SLC20A2: variants seen among roughly 807,000 people sequenced by gnomAD.
SLC20A2 encodes sodium-dependent phosphate transporter 2.
SLC20A2 carries 30 observed loss-of-function variants against 61.0 expected under a neutral mutation model. That is an observed-to-expected ratio of 0.49 (90% CI 0.37 to 0.67). The LOEUF is 0.67. SLC20A2 is among the 30% of genes least tolerant of loss of function. The probability of loss-of-function intolerance (pLI) is 0.00; values close to 1 mark genes in which losing one functional copy is unlikely to be tolerated. For missense variants in SLC20A2, 626 were observed against 866.4 expected (o/e 0.72, Z 3.48); for synonymous variants, 351 against 353.3 (o/e 0.99, Z 0.07).
chr8:42,463,819 T>C, intron 3 of SLC20A2, among the ~76,000 whole-genome samples: 1 of 152,092 alleles, frequency 6.6e-6, no homozygotes, highest in East Asian at 1.9e-4. Flanking sequence ...AGGGATCCCA[T>C]TTGACCCAGG....
intron 1 of SLC20A2, among the ~76,000 whole-genome samples, chr8:42,530,496 T>C (rs1812251377): frequency 6.6e-6 from 1 of 152,298 alleles, no homozygotes; most frequent in South Asian, 2.1e-4. Context: ...AAGTAGTCAT[T>C]GCGAAGACCT....
In SLC20A2 at chr8:42,428,823, C is replaced by T; in HGVS notation, c.1729G>A (p.Ala577Thr). The change falls in exon 10 of 11, where the codon GCC (alanine) becomes ACC (threonine). Residue 577 changes from alanine to threonine, a missense_variant. Physicochemically the swap from Ala to Thr is moderately conservative, Grantham distance 58. Around this residue, in one of 3 missense-constraint regions of SLC20A2, gnomAD observed 138 missense variants for 228.7 expected, o/e 0.60. Transcript: ENST00000520262. ...GCGATCACCACTGTGAAGGCTGAGG[C>T]CAGCTCGATCGTGAAGCCGCTGTGG... ...TPSSGFTIEL[A>T]SAFTVVIASN... 1 of 1,603,260 alleles carries T rather than the reference C, an allele frequency of 6.2e-7. No individual in the cohort carries two copies. Among genetic ancestry groups the T allele is most frequent in the Non-Finnish European group, 8.5e-7 (1 of 1,175,108 alleles).
intron 1 of SLC20A2, among the ~76,000 whole-genome samples, chr8:42,475,985 T>C (rs1170025109): frequency 6.6e-6 from 1 of 152,018 alleles, no homozygotes; most frequent in African/African-American, 2.4e-5. Flanking sequence ...TGGGTTTTTC[T>C]TCTCTTTTGC....
At chr8:42,466,049 C>A (rs371494262) in intron 2 of SLC20A2, 132 bp from the exon 3 acceptor site, 2 of 822,792 alleles carry the variant, frequency 2.4e-6, no homozygotes, top group Non-Finnish European at 3.6e-6. Context: ...CTTTACAAAG[C>A]GCTACAGCCT....
At chr8:42,519,183 C>T (rs758462492) in intron 1 of SLC20A2, among the ~76,000 whole-genome samples, 4 of 152,120 alleles carry the variant, frequency 2.6e-5, no homozygotes, top group African/African-American at 7.2e-5. Flanking sequence ...CGGTGGCTCA[C>T]GCCTGTAATC....
chr8:42,488,894 A>AG (rs1229195111), intron 1 of SLC20A2, among the ~76,000 whole-genome samples: 1 of 149,990 alleles, frequency 6.7e-6, no homozygotes, highest in Non-Finnish European at 1.5e-5. Flanking sequence ...CATTTAAAAA[A>AG]TCAGGTCGTT....
chr8:42,449,701 G>C (rs565141446), intron 5 of SLC20A2, among the ~76,000 whole-genome samples: 1 of 152,212 alleles, frequency 6.6e-6, no homozygotes, highest in Admixed American at 6.5e-5. Context: ...AAAAATATCA[G>C]CAGTACCTAC....
chr8:42,484,225 A>G (rs1808769129), intron 1 of SLC20A2, among the ~76,000 whole-genome samples: 1 of 152,226 alleles, frequency 6.6e-6, no homozygotes, highest in South Asian at 2.1e-4. Context: ...AATTCTCTGA[A>G]GTGCTTCATC....
chr8:42,459,255 A>AC (rs1176541402), intron 5 of SLC20A2, among the ~76,000 whole-genome samples: 3 of 151,460 alleles, frequency 2.0e-5, no homozygotes, highest in African/African-American at 7.3e-5. Flanking sequence ...AAAAAAAAAA[A>AC]AAAACATAAA....
intron 5 of SLC20A2, among the ~76,000 whole-genome samples, chr8:42,447,121 C>T (rs1485718402): frequency 6.6e-6 from 1 of 151,820 alleles, no homozygotes; most frequent in Non-Finnish European, 1.5e-5. Context: ...GTGAGAGGAT[C>T]ACTTGAAGCC....
In SLC20A2 at chr8:42,417,241, C is replaced by T. The variant is rs1258515250; in HGVS notation, c.*562G>A. 6.5e-6 allele frequency: 1 copy of T among 153,382 alleles called. No individual in the cohort carries two copies. Among genetic ancestry groups the T allele is most frequent in the Non-Finnish European group, 1.5e-5 (1 of 68,670 alleles). The allele number at this position is 153,382 out of a possible 1,614,324, so 9.5% of individuals were successfully genotyped here. A position where few individuals can be genotyped will look rare whatever the true frequency, so the allele number is the denominator to read the frequency against. On this transcript the variant is annotated 3_prime_UTR_variant, in exon 11 of 11. Transcript: ENST00000520262. ...AATACACAGTATATGAACAAATCTTCAGTGAAAGCACTTGTGAGCTCCCGT... is the reference window on the plus strand; with the variant it reads ...AATACACAGTATATGAACAAATCTTTAGTGAAAGCACTTGTGAGCTCCCGT...
intron 1 of SLC20A2, among the ~76,000 whole-genome samples, chr8:42,536,850 G>C (rs766962964): frequency 6.6e-6 from 1 of 152,098 alleles, no homozygotes; most frequent in African/African-American, 2.4e-5. Flanking sequence ...AAGGTGGGTG[G>C]ATCACCTGAG....
intron 8 of SLC20A2, among the ~76,000 whole-genome samples, chr8:42,434,873 C>T (rs531048474): frequency 5.3e-5 from 8 of 152,048 alleles, no homozygotes; most frequent in African/African-American, 1.5e-4. Flanking sequence ...TGTGAATGTG[C>T]GTGAGTCCAT....
At chr8:42,435,825 A>G (rs771114127) in intron 8 of SLC20A2, among the ~76,000 whole-genome samples, 4 of 152,142 alleles carry the variant, frequency 2.6e-5, no homozygotes, top group Non-Finnish European at 5.9e-5. Context: ...TGAAGATGTC[A>G]CTGAAGGATG....
intron 8 of SLC20A2, 71 bp from the exon 9 acceptor site, chr8:42,430,320 G>T: frequency 7.8e-7 from 1 of 1,285,022 alleles, no homozygotes; most frequent in South Asian, 1.5e-5. Context: ...AGGTGACTTT[G>T]TTTTATTGTG....
At chr8:42,509,753 C>T (rs1810926883) in intron 1 of SLC20A2, among the ~76,000 whole-genome samples, 1 of 151,656 alleles carries the variant, frequency 6.6e-6, no homozygotes, top group African/African-American at 2.4e-5. Flanking sequence ...GAACTTGTCT[C>T]AACAAAACAA....
intron 6 of SLC20A2, 78 bp from the exon 7 acceptor site, chr8:42,439,731 T>A: frequency 9.2e-7 from 1 of 1,088,368 alleles, no homozygotes; most frequent in Non-Finnish European, 1.4e-6. Context: ...AAAGTGAATC[T>A]ATATCTTTAT....
rs1329954466 is a variant in SLC20A2, at chr8:42,528,378, C to G, written c.-265+13443G>C. Among the ~76,000 whole-genome samples, 4 of 151,626 alleles carry G rather than the reference C, an allele frequency of 2.6e-5. No homozygotes were observed. In the South Asian group the frequency reaches 8.3e-4, roughly 32 times the overall value. On this transcript the variant is annotated intron_variant, in intron 1 of 10. Transcript: ENST00000342228. ...GCAGGAGGCTGAGGCAGGACAATGGCGTGAACCCGGGAAGGAGAACTTGCA... is the reference window on the plus strand; with the variant it reads ...GCAGGAGGCTGAGGCAGGACAATGGGGTGAACCCGGGAAGGAGAACTTGCA...
rs368722324 is a variant in SLC20A2 at position 42,526,468 on chromosome 8, TC to T, written c.-265+15352del. 7.2e-5 allele frequency among the ~76,000 whole-genome samples: 11 copies of T among 151,738 alleles called. No individual in the cohort carries two copies. In the South Asian group the frequency reaches 1.5e-3, roughly 20 times the overall value. ...GTGGGCGGATCACTAGGTCAGGAGA[TC>T]GAGACCCTCCTGGCTAACACAGTGA... On this transcript the variant is annotated intron_variant, in intron 1 of 10. Coordinates refer to the SLC20A2 transcript ENST00000342228.
Sources: gnomAD v4.1 joint callset for allele counts (sites outside exome capture counted in the v4.1 genomes callset) on GRCh38, gnomAD v4.1.1 for gene constraint, gnomAD v4.1.1 regional missense constraint, MANE v1.5 for transcripts, NCBI Gene and HGNC (gene_info 2026-07-23, HGNC 2026-07-21) for gene names.